The following ZRANB3 variants were observed in gnomAD, a reference collection of about 807,000 sequenced individuals.
The protein encoded by ZRANB3 is DNA annealing helicase and endonuclease ZRANB3.
ZRANB3 carries 125 observed loss-of-function variants against 133.8 expected under a neutral mutation model. That is an observed-to-expected ratio of 0.93 (90% CI 0.81 to 1.08). The LOEUF (loss-of-function observed/expected upper bound fraction) is 1.08, where lower values mean the gene tolerates loss of function less well. Ranked by LOEUF, ZRANB3 falls within the 50% of genes least tolerant of loss-of-function variation. The pLI is 0.00. For missense variants in ZRANB3, 1,229 were observed against 1,275.5 expected (o/e 0.96, Z 0.56); for synonymous variants, 387 against 432.7 (o/e 0.89, Z 1.31).
At chr2:135,240,454 C>G (rs1432623476) in intron 12 of ZRANB3, among the ~76,000 whole-genome samples, 1 of 152,220 alleles carries the variant, frequency 6.6e-6, no homozygotes, top group Non-Finnish European at 1.5e-5. Flanking sequence ...CAAATTCTAT[C>G]AGCTATTTCT....
intron 2 of ZRANB3, among the ~76,000 whole-genome samples, chr2:135,502,123 A>G (rs1692977140): frequency 6.6e-6 from 1 of 152,196 alleles, no homozygotes; most frequent in African/African-American, 2.4e-5. Context: ...TCCTGAAATT[A>G]TTATTTCATG....
In ZRANB3 at chr2:135,240,011, G is replaced by A. The variant is rs148100014; in HGVS notation, c.1540-9084C>T. The stretch of plus-strand genomic sequence containing the variant: ...AAAAAAAAAAGGGTGGAGGAAAGCA[G>A]AGAGATTAATAGACTGATGAAGTTT... On this transcript the variant is annotated intron_variant, in intron 12 of 20. Coordinates refer to ENST00000264159, the MANE Select transcript of ZRANB3 (RefSeq NM_032143.4). Among the ~76,000 whole-genome samples the A allele has an allele frequency of 3.0e-3, 452 of 151,186 alleles. 2 individuals carry two copies. Among genetic ancestry groups the A allele is most frequent in the African/African-American group, 0.011 (428 of 40,656 alleles).
Position 135,275,680 on chromosome 2 carries a change from A to C in ZRANB3, c.1042T>G (p.Leu348Val). ...TCTGTGCAAGCTTGGAGCATGCTTA[A>C]ATGGTGAGCAAAAACCAGAAATTTA... ...SLKFLVFAHH[L>V]SMLQACTEAV... Residue 348 changes from leucine to valine, a missense_variant, in exon 9 of 21, where the codon TTA (leucine) becomes GTA (valine). By Grantham distance (32) the Leu-to-Val change is conservative (BLOSUM62 1). Coordinates refer to ENST00000264159, the MANE Select transcript of ZRANB3 (RefSeq NM_032143.4). 1 of 1,608,690 alleles carries C rather than the reference A, an allele frequency of 6.2e-7. No homozygotes were observed.
intron 12 of ZRANB3, among the ~76,000 whole-genome samples, chr2:135,249,678 C>T (rs1311364123): frequency 6.6e-6 from 1 of 152,178 alleles, no homozygotes; most frequent in African/African-American, 2.4e-5. Context: ...GCAAGTAAGT[C>T]TCATGAGATC....
At chr2:135,432,106 C>T (rs1016760701) in intron 2 of ZRANB3, among the ~76,000 whole-genome samples, 1 of 151,834 alleles carries the variant, frequency 6.6e-6, no homozygotes, top group Admixed American at 6.6e-5. Context: ...CAAAATTAGC[C>T]GGGTGTGGTG....
At chr2:135,281,007 G>T (rs1313568274) in intron 8 of ZRANB3, among the ~76,000 whole-genome samples, 2 of 152,002 alleles carry the variant, frequency 1.3e-5, no homozygotes, top group African/African-American at 2.4e-5. Flanking sequence ...TAAACCCTTG[G>T]CCTGTCTTTA....
intron 2 of ZRANB3, among the ~76,000 whole-genome samples, chr2:135,500,703 C>A (rs1692897938): frequency 7.1e-6 from 1 of 141,710 alleles, no homozygotes; most frequent in African/African-American, 2.6e-5. Context: ...GAAAATTCTT[C>A]AAGCTATACA....
chr2:135,381,651 C>T (rs1001205422), intron 3 of ZRANB3, among the ~76,000 whole-genome samples: 5 of 152,166 alleles, frequency 3.3e-5, no homozygotes, highest in African/African-American at 1.2e-4. Flanking sequence ...ATGAAACTTC[C>T]AGAGGAACGA....
intron 14 of ZRANB3, among the ~76,000 whole-genome samples, chr2:135,227,505 A>G (rs937221237): frequency 2.6e-5 from 4 of 152,208 alleles, no homozygotes; most frequent in African/African-American, 9.6e-5. Context: ...CACCTCCCAA[A>G]TATCAAAACA....
chr2:135,482,332 A>G (rs1361698984), intron 2 of ZRANB3, among the ~76,000 whole-genome samples: 6 of 137,086 alleles, frequency 4.4e-5, no homozygotes, highest in African/African-American at 9.5e-5. Context: ...GGTCCTTCAC[A>G]TCCCTTGTAA....
In ZRANB3 at chr2:135,269,112, A is replaced by G; in HGVS notation, c.1236T>C (p.Val412=). ...QGLTFTAASH[V]VFAELYWDPG... The stretch of plus-strand genomic sequence containing the variant: ...GGTCCCAGTACAACTCAGCAAATAC[A>G]ACATGACTTGCTGCAGTAAATGTTA... The change falls in exon 11 of 21, where the codon GTT becomes GTC. Residue 412 remains valine, a synonymous_variant. Coordinates refer to ENST00000264159, the MANE Select transcript of ZRANB3 (RefSeq NM_032143.4). The G allele has an allele frequency of 1.2e-6, 2 of 1,604,206 alleles. No homozygotes were observed. Among genetic ancestry groups the G allele is most frequent in the African/African-American group, 1.3e-5 (1 of 74,542 alleles).
intron 2 of ZRANB3, among the ~76,000 whole-genome samples, chr2:135,463,314 T>A (rs966951326): frequency 6.6e-6 from 1 of 152,286 alleles, no homozygotes; most frequent in South Asian, 2.1e-4. Flanking sequence ...TTCTGTTTTA[T>A]ATATATAAAA....
intron 11 of ZRANB3, among the ~76,000 whole-genome samples, chr2:135,267,435 A>G (rs1435666504): frequency 6.6e-6 from 1 of 152,106 alleles, no homozygotes; most frequent in Non-Finnish European, 1.5e-5. Flanking sequence ...CAGAACCCTC[A>G]TGACCCAATC....
At chr2:135,295,159 C>T (rs1423435586) in intron 8 of ZRANB3, among the ~76,000 whole-genome samples, 1 of 152,072 alleles carries the variant, frequency 6.6e-6, no homozygotes, top group Non-Finnish European at 1.5e-5. Context: ...GTTTATCTGT[C>T]TAATGTTGAT....
intron 2 of ZRANB3, among the ~76,000 whole-genome samples, chr2:135,437,922 G>A (rs1689616122): frequency 2.0e-5 from 3 of 152,158 alleles, no homozygotes; most frequent in Admixed American, 1.3e-4. Flanking sequence ...CAATGTGAGT[G>A]GGTACCATCT....
chr2:135,370,501 A>G (rs1210374147), intron 3 of ZRANB3, among the ~76,000 whole-genome samples: 1 of 152,136 alleles, frequency 6.6e-6, no homozygotes, highest in Admixed American at 6.6e-5. Context: ...CTGCGAATGA[A>G]GGCATGTTTC....
intron 3 of ZRANB3, among the ~76,000 whole-genome samples, chr2:135,385,956 CA>C (rs1304348614): frequency 6.6e-6 from 1 of 152,054 alleles, no homozygotes; most frequent in Non-Finnish European, 1.5e-5. Context: ...ACTAAAACAC[CA>C]AAAGCAATGG....
At chr2:135,487,787 T>C (rs1692188828) in intron 2 of ZRANB3, among the ~76,000 whole-genome samples, 1 of 152,244 alleles carries the variant, frequency 6.6e-6, no homozygotes, top group Non-Finnish European at 1.5e-5. Flanking sequence ...ACTGGTTTGA[T>C]ACTCTATCCA....
chr2:135,407,609 T>C (rs1006330114), intron 2 of ZRANB3, among the ~76,000 whole-genome samples: 10 of 151,234 alleles, frequency 6.6e-5, no homozygotes, highest in Admixed American at 5.9e-4. Flanking sequence ...AGCATGGTAC[T>C]AGTACCAAAA....
Sources: gnomAD v4.1 joint callset for allele counts (sites outside exome capture counted in the v4.1 genomes callset) on GRCh38, gnomAD v4.1.1 for gene constraint, MANE v1.5 for transcripts, NCBI Gene and HGNC (gene_info 2026-07-23, HGNC 2026-07-21) for gene names.